The following SYN2 variants were observed in gnomAD, a reference collection of about 807,000 sequenced individuals.
SYN2 encodes synapsin II.
In SYN2, 19 loss-of-function variants were observed where a neutral mutation model predicts 50.9. The observed-to-expected ratio is 0.37, with a 90% CI of 0.26 to 0.55. SYN2 has a LOEUF of 0.55. Ranked by LOEUF, SYN2 falls within the 20% of genes least tolerant of loss-of-function variation. The pLI, the probability that SYN2 is intolerant of heterozygous loss-of-function variation, is 0.81. For synonymous variants in SYN2, 255 were observed against 224.9 expected (o/e 1.13, Z -1.20); for missense variants, 587 against 576.4 (o/e 1.02, Z -0.19).
intron 1 of SYN2, among the ~76,000 whole-genome samples, chr3:12,117,762 T>G (rs1449375001): frequency 2.0e-5 from 3 of 152,218 alleles, no homozygotes; most frequent in African/African-American, 7.2e-5. Context: ...TTTGCCCTTC[T>G]GGGAAAGGAT....
At chr3:12,095,233 C>T (rs1341860090) in intron 1 of SYN2, among the ~76,000 whole-genome samples, 1 of 151,600 alleles carries the variant, frequency 6.6e-6, no homozygotes, top group Admixed American at 6.6e-5. Context: ...CTCAATTACA[C>T]TAAAATAGCT....
chr3:12,150,814 T>G (rs891864734), intron 4 of SYN2, among the ~76,000 whole-genome samples: 3 of 152,176 alleles, frequency 2.0e-5, no homozygotes, highest in Non-Finnish European at 4.4e-5. Flanking sequence ...TTCCAAGACT[T>G]GGCCCATGTC....
intron 5 of SYN2, among the ~76,000 whole-genome samples, chr3:12,158,483 G>A (rs1486359864): frequency 6.6e-6 from 1 of 152,148 alleles, no homozygotes; most frequent in Non-Finnish European, 1.5e-5. Context: ...CGCTATGGAA[G>A]TCCCTGATGA....
chr3:12,019,744 G>T lies in SYN2; in HGVS notation c.377+14816G>T, dbSNP rs1199537450. 2.0e-5 allele frequency among the ~76,000 whole-genome samples: 3 copies of T among 152,116 alleles called. No individual in the cohort carries two copies. In the East Asian group the frequency reaches 5.8e-4, roughly 29 times the overall value. ...TGTACTTTGACTTGTATGTACCATT[G>T]CACTTAATTGTCACCTTGACCTTGT... On this transcript the variant is annotated intron_variant, in intron 1 of 12. Transcript: ENST00000621198.
chr3:12,115,198 G>T (rs1406875176), intron 1 of SYN2, among the ~76,000 whole-genome samples: 2 of 152,174 alleles, frequency 1.3e-5, no homozygotes, highest in African/African-American at 2.4e-5. Flanking sequence ...TCAAATAATT[G>T]ATAAATGGTA....
chr3:12,179,476 A>T (rs1024743519), intron 10 of SYN2, among the ~76,000 whole-genome samples: 1 of 151,698 alleles, frequency 6.6e-6, no homozygotes, highest in African/African-American at 2.4e-5. Context: ...AGCCCCCCTA[A>T]CCAAAGTTTG....
intron 1 of SYN2, among the ~76,000 whole-genome samples, chr3:12,064,629 C>T (rs1355102960): frequency 6.6e-6 from 1 of 152,036 alleles, no homozygotes; most frequent in Non-Finnish European, 1.5e-5. Context: ...TGAAAAGATG[C>T]TCAACCTCAT....
chr3:12,124,197 A>G (rs1011873196), intron 1 of SYN2, among the ~76,000 whole-genome samples: 7 of 152,204 alleles, frequency 4.6e-5, no homozygotes, highest in African/African-American at 1.7e-4. Flanking sequence ...AAATAAAAAT[A>G]GAAAAAACTT....
At chr3:12,185,442 T>C in intron 11 of SYN2, 1 of 985,690 alleles carries the variant, frequency 1.0e-6, no homozygotes. Flanking sequence ...GGGGGAGAAA[T>C]TGGTTAGGGC....
At chr3:12,007,083 A>T (rs2125128336) in intron 1 of SYN2, among the ~76,000 whole-genome samples, 1 of 152,268 alleles carries the variant, frequency 6.6e-6, no homozygotes, top group East Asian at 1.9e-4. Context: ...GCTGCTGCAG[A>T]TTTCTGTTTA....
At chr3:12,053,116 C>T (rs1473507210) in intron 1 of SYN2, among the ~76,000 whole-genome samples, 1 of 152,028 alleles carries the variant, frequency 6.6e-6, no homozygotes, top group Non-Finnish European at 1.5e-5. Flanking sequence ...TACTTTAGAG[C>T]TGGAAATAAG....
chr3:12,009,763 G>A (rs936512770), intron 1 of SYN2, among the ~76,000 whole-genome samples: 8 of 152,164 alleles, frequency 5.3e-5, no homozygotes, highest in African/African-American at 1.7e-4. Context: ...TTCCTTGTTT[G>A]TGTTCATTTA....
At chr3:12,168,530 T>C (rs1273826534) in intron 9 of SYN2, 52 bp downstream of exon 9, 1 of 1,485,382 alleles carries the variant, frequency 6.7e-7, no homozygotes. Context: ...AAGAACTATG[T>C]GGGCAGCTCA....
chr3:12,070,398 C>T, intron 1 of SYN2: 3 of 532,410 alleles, frequency 5.6e-6, no homozygotes, highest in Admixed American at 4.0e-5. Context: ...GTGATGAGGC[C>T]CAGAGCAAGC....
chr3:12,080,814 C>G (rs1409572882), intron 1 of SYN2, among the ~76,000 whole-genome samples: 1 of 152,056 alleles, frequency 6.6e-6, no homozygotes, highest in South Asian at 2.1e-4. Context: ...AGATATCTAT[C>G]AGGTCCACTT....
chr3:12,186,029 T>C (rs1168896303), intron 11 of SYN2, among the ~76,000 whole-genome samples: 3 of 152,224 alleles, frequency 2.0e-5, no homozygotes. Flanking sequence ...GGTTAGATGA[T>C]AAAGGGTATT....
At chr3:12,035,201 C>T (rs1047841119) in intron 1 of SYN2, among the ~76,000 whole-genome samples, 6 of 152,178 alleles carry the variant, frequency 3.9e-5, no homozygotes, top group African/African-American at 1.4e-4. Context: ...TTCCATGTCC[C>T]CATCTTCGGG....
intron 7 of SYN2, among the ~76,000 whole-genome samples, 194 bp downstream of exon 7, chr3:12,162,348 C>G (rs1262826373): frequency 3.9e-5 from 6 of 152,158 alleles, no homozygotes; most frequent in Non-Finnish European, 7.4e-5. Flanking sequence ...TCACTTGCCT[C>G]TAAGGGAAAT....
In SYN2 at chr3:12,190,538, C is replaced by T. The variant is rs776234871; in HGVS notation, c.1662C>T (p.Phe554=). The change falls in exon 13 of 13, where the codon TTC becomes TTT. Residue 554 remains phenylalanine, a synonymous_variant. Transcript: ENST00000621198. The stretch of plus-strand genomic sequence containing the variant: ...CCTTCAGCTTCTCTGAGTCCTCCTT[C>T]TTCCGGTCTTCAGCCAATGAGGATG... ...TNAFSFSESS[F]FRSSANEDEA... The T allele has an allele frequency of 1.2e-6, 2 of 1,613,862 alleles. No individual in the cohort carries two copies. Among genetic ancestry groups the T allele is most frequent in the East Asian group, 2.2e-5 (1 of 44,874 alleles).
Sources: allele counts gnomAD v4.1 joint callset (sites outside exome capture counted in the v4.1 genomes callset), GRCh38; gene constraint gnomAD v4.1.1; transcripts MANE v1.5; gene names NCBI Gene and HGNC (gene_info 2026-07-23, HGNC 2026-07-21).